Variants in ZNF407 observed in about 807,000 individuals in gnomAD.
ZNF407 encodes the protein zinc finger protein 407.
A neutral mutation model predicts 131.2 loss-of-function variants in ZNF407; 17 were observed. The observed-to-expected ratio is 0.13, with a 90% confidence interval of 0.09 to 0.19. ZNF407 has a LOEUF of 0.19. ZNF407 is among the 10% of genes least tolerant of loss of function. ZNF407 has a pLI of 1.00. For synonymous variants in ZNF407, 1,156 were observed against 1,062.0 expected (o/e 1.09, Z -1.72); for missense variants, 2,681 against 2,830.6 (o/e 0.95, Z 1.20).
chr18:75,013,280 TTTC>T (rs573890710), intron 8 of ZNF407, among the ~76,000 whole-genome samples: 137 of 152,270 alleles, frequency 9.0e-4, no homozygotes, highest in Non-Finnish European at 7.9e-4. Context: ...CGTTTTTCTC[TTTC>T]TTAGAAAAGA....
intron 3 of ZNF407, among the ~76,000 whole-genome samples, chr18:74,741,171 A>C (rs551899615): frequency 2.0e-5 from 3 of 152,286 alleles, no homozygotes; most frequent in Non-Finnish European, 4.4e-5. Flanking sequence ...TGAGAAAAAT[A>C]CATGTATGGA....
intron 4 of ZNF407, among the ~76,000 whole-genome samples, chr18:74,798,394 A>G (rs183889541): frequency 6.6e-6 from 1 of 152,292 alleles, no homozygotes; most frequent in African/African-American, 2.4e-5. Flanking sequence ...AAGGAAGAAT[A>G]TATTTAATAT....
intron 8 of ZNF407, among the ~76,000 whole-genome samples, chr18:75,044,003 G>C (rs1973403585): frequency 6.6e-6 from 1 of 151,968 alleles, no homozygotes; most frequent in South Asian, 2.1e-4. Context: ...TTTAATTTTT[G>C]GTATCTACTA....
intron 8 of ZNF407, among the ~76,000 whole-genome samples, chr18:74,954,020 A>G (rs1047945266): frequency 1.3e-5 from 2 of 152,248 alleles, no homozygotes; most frequent in African/African-American, 4.8e-5. Flanking sequence ...ACTTTTACAT[A>G]CCCACATAAA....
chr18:75,062,890 T>G, intron 8 of ZNF407: 1 of 329,466 alleles, frequency 3.0e-6, no homozygotes, highest in Non-Finnish European at 5.5e-6. Context: ...TGCAAAGAGT[T>G]GTATTGGACA....
chr18:74,836,008 GAAAAAAA>G (rs572896349), intron 4 of ZNF407, among the ~76,000 whole-genome samples: 1 of 129,800 alleles, frequency 7.7e-6, no homozygotes, highest in Non-Finnish European at 1.7e-5. Flanking sequence ...GACCCTTATG[GAAAAAAA>G]AAAAAAAAAG....
chr18:74,661,271 C>G (rs536554186), intron 3 of ZNF407, among the ~76,000 whole-genome samples: 19 of 151,820 alleles, frequency 1.3e-4, no homozygotes, highest in Non-Finnish European at 2.4e-4. Flanking sequence ...ATGTTGTACA[C>G]ACAGTAAATT....
At chr18:74,961,700 C>T (rs920067338) in intron 8 of ZNF407, among the ~76,000 whole-genome samples, 1 of 146,352 alleles carries the variant, frequency 6.8e-6, no homozygotes, top group African/African-American at 2.7e-5. Context: ...AGCCTGGCGA[C>T]AGAGACTGTC....
At chr18:74,666,317 G>C (rs1207100926) in intron 3 of ZNF407, among the ~76,000 whole-genome samples, 1 of 152,190 alleles carries the variant, frequency 6.6e-6, no homozygotes, top group Non-Finnish European at 1.5e-5. Flanking sequence ...GGATGTAAGA[G>C]TCCAGACAGG....
At chr18:74,730,437 G>A (rs1968268338) in intron 3 of ZNF407, among the ~76,000 whole-genome samples, 1 of 152,154 alleles carries the variant, frequency 6.6e-6, no homozygotes, top group South Asian at 2.1e-4. Context: ...TTTTCCTCCT[G>A]ACTGGAGAAA....
At chr18:74,840,746 T>C (rs1224108579) in intron 4 of ZNF407, among the ~76,000 whole-genome samples, 1 of 152,176 alleles carries the variant, frequency 6.6e-6, no homozygotes, top group East Asian at 1.9e-4. Context: ...GCCTTTGTAG[T>C]CATCCTGGAC....
chr18:74,881,719 C>T (rs912818248), intron 6 of ZNF407, among the ~76,000 whole-genome samples: 21 of 152,122 alleles, frequency 1.4e-4, no homozygotes, highest in Admixed American at 8.5e-4. Flanking sequence ...TAATTATGGT[C>T]ATTGAAGAGG....
chr18:74,892,544 G>T (rs1045031761), intron 7 of ZNF407, among the ~76,000 whole-genome samples: 2 of 152,152 alleles, frequency 1.3e-5, no homozygotes, highest in Non-Finnish European at 2.9e-5. Context: ...TTCCATCTCA[G>T]GAGACTGCTC....
intron 8 of ZNF407, among the ~76,000 whole-genome samples, chr18:75,000,900 C>A (rs570382168): frequency 2.0e-4 from 31 of 152,190 alleles, no homozygotes; most frequent in Non-Finnish European, 3.7e-4. Context: ...ATGATGGCAT[C>A]AACGTCACAT....
chr18:74,655,808 G>A (rs192451331), intron 3 of ZNF407, among the ~76,000 whole-genome samples: 129 of 152,168 alleles, frequency 8.5e-4, no homozygotes, highest in African/African-American at 2.8e-3. Context: ...ACAATCAGTC[G>A]GTTCAAGGTT....
At chr18:74,812,372 T>C (rs1162255958) in intron 4 of ZNF407, among the ~76,000 whole-genome samples, 1 of 152,238 alleles carries the variant, frequency 6.6e-6, no homozygotes, top group Non-Finnish European at 1.5e-5. Flanking sequence ...TCACATATAC[T>C]ACCTTCAATG....
intron 8 of ZNF407, among the ~76,000 whole-genome samples, chr18:74,980,496 G>A (rs960202123): frequency 6.6e-6 from 1 of 151,882 alleles, no homozygotes; most frequent in African/African-American, 2.4e-5. Context: ...ATAGAGACAG[G>A]GTTTCACCAT....
At chr18:75,037,373 T>C (rs1188460216) in intron 8 of ZNF407, among the ~76,000 whole-genome samples, 1 of 151,958 alleles carries the variant, frequency 6.6e-6, no homozygotes, top group African/African-American at 2.4e-5. Context: ...CACACACCCC[T>C]CCCCTTTTTG....
intron 8 of ZNF407, among the ~76,000 whole-genome samples, chr18:75,040,656 A>G (rs895183401): frequency 5.9e-5 from 9 of 152,074 alleles, no homozygotes; most frequent in Non-Finnish European, 1.0e-4. Flanking sequence ...CTGCAGATAG[A>G]CCCTCTTTGC....
Sources: allele counts gnomAD v4.1 joint callset (sites outside exome capture counted in the v4.1 genomes callset), GRCh38; gene constraint gnomAD v4.1.1; transcripts MANE v1.5; gene names NCBI Gene and HGNC (gene_info 2026-07-23, HGNC 2026-07-21).